The following NDEL1 variants were observed in gnomAD, a reference collection of about 807,000 sequenced individuals.
NDEL1 encodes the protein nuclear distribution protein nudE-like 1.
Under a neutral mutation model 45.7 loss-of-function variants are expected in NDEL1, and 9 were observed. The ratio of observed to expected loss-of-function variants is 0.20; its 90% CI spans 0.12 to 0.34. The LOEUF (loss-of-function observed/expected upper bound fraction) is 0.34. Among genes scored for constraint, NDEL1 ranks in the 10% least tolerant of loss-of-function variants. NDEL1 has a pLI of 1.00. For synonymous variants in NDEL1, 133 were observed against 158.6 expected (o/e 0.84, Z 1.21); for missense variants, 306 against 406.2 (o/e 0.75, Z 2.12).
intron 1 of NDEL1, among the ~76,000 whole-genome samples, chr17:8,418,855 T>C (rs1597511024): frequency 1.3e-5 from 2 of 150,290 alleles, no homozygotes; most frequent in African/African-American, 4.9e-5. Context: ...CTCTCTCTTC[T>C]TTTTTATTTT....
rs111828913 is a variant in NDEL1 at position 8,450,941 on chromosome 17, C to G, written c.688C>G (p.Pro230Ala). The change falls in exon 6 of 9, where the codon CCT (proline) becomes GCT (alanine). Residue 230 changes from proline to alanine, a missense_variant. Around this residue, in one of 3 missense-constraint regions of NDEL1, gnomAD observed 175 missense variants for 205.2 expected, o/e 0.85. Coordinates refer to ENST00000334527, the MANE Select transcript of NDEL1 (RefSeq NM_030808.5). ...PVGKGTENTF[P>A]SPKAIPNGFG... ...TGGCAAAGGAACGGAGAACACTTTT[C>G]CTTCACCGAAAGGTTTGTAATGTCT... is the stretch of plus-strand genomic sequence containing the variant. The G allele has an allele frequency of 2.0e-4, 328 of 1,609,486 alleles. No individual in the cohort carries two copies. In the African/African-American group the frequency reaches 3.3e-3, roughly 16 times the overall value.
chr17:8,461,597 A>G (rs905520719), intron 8 of NDEL1, among the ~76,000 whole-genome samples: 5 of 152,160 alleles, frequency 3.3e-5, no homozygotes, highest in African/African-American at 1.2e-4. Context: ...TAAACATAAA[A>G]TTGATTTTCC....
At chr17:8,469,445 C>T (rs572430836), downstream of NDEL1, among the ~76,000 whole-genome samples, 1 of 152,238 alleles carries the variant, frequency 6.6e-6, no homozygotes, top group South Asian at 2.1e-4. Flanking sequence ...TCCTCTTATC[C>T]AGACTGTTCT....
In NDEL1 at chr17:8,468,121, A is replaced by C. The variant is rs561795311; in HGVS notation, c.*1098A>C. ...TACAAAAAATACTTCCCTCAAAAAAATTCTTTTAATGTGGAAACAATAAAT... is the reference window on the plus strand; with the variant it reads ...TACAAAAAATACTTCCCTCAAAAAACTTCTTTTAATGTGGAAACAATAAAT... On this transcript the variant is annotated 3_prime_UTR_variant, in exon 9 of 9. Transcript: ENST00000334527. 9 of 152,650 alleles carry C rather than the reference A, an allele frequency of 5.9e-5. No individual in the cohort carries two copies. In the South Asian group the frequency reaches 1.9e-3, roughly 32 times the overall value. 9.5% of individuals were successfully genotyped at this position (152,650 alleles called of 1,614,324 possible).
intron 8 of NDEL1, chr17:8,464,344 G>T (rs1315037346): frequency 6.6e-6 from 1 of 152,208 alleles, no homozygotes; most frequent in Non-Finnish European, 1.5e-5. Context: ...ACATTGCCCT[G>T]TGGCTCTTTG....
upstream of NDEL1, chr17:8,431,508 A>G (rs954682909): frequency 6.6e-6 from 1 of 152,260 alleles, no homozygotes; most frequent in Admixed American, 6.5e-5. Context: ...CTCTAGCCCA[A>G]TACATGGTAG....
At chr17:8,439,731 C>T (rs548986312) in intron 1 of NDEL1, among the ~76,000 whole-genome samples, 1 of 152,314 alleles carries the variant, frequency 6.6e-6, no homozygotes, top group African/African-American at 2.4e-5. Context: ...ACTTTGTGGT[C>T]ATACTTGAAA....
chr17:8,463,335 A>G (rs776605675), intron 8 of NDEL1: 1 of 1,613,014 alleles, frequency 6.2e-7, no homozygotes, highest in South Asian at 1.1e-5. Context: ...AAAAAGTCAT[A>G]TTTCCCACGT....
intron 8 of NDEL1, among the ~76,000 whole-genome samples, chr17:8,462,614 G>A (rs12942681): frequency 0.95 from 144,477 of 152,226 alleles, 69,016 homozygotes; most frequent in East Asian, 1. Context: ...GCCTGTCTGT[G>A]TAGAAGTGGA....
rs386364879 is a variant in NDEL1, at chr17:8,446,673, C to CG, written c.241-81_241-80insG. ...TGGGTAAATTCCTTGGGTTCCCCCC[C>CG]ACCCTTTTAACTTGAGTTACCTCTT... On this transcript the variant is annotated intron_variant, in intron 3 of 8. Transcript: ENST00000334527. 3.0e-4 allele frequency: 447 copies of CG among 1,478,326 alleles called. 2 individuals carry two copies. The African/African-American group carries it at 5.4e-3, about 18-fold the overall frequency. 91.6% of individuals were successfully genotyped at this position (1,478,326 alleles called of 1,614,324 possible).
chr17:8,470,092 C>T (rs965841292), downstream of NDEL1, among the ~76,000 whole-genome samples: 2 of 152,124 alleles, frequency 1.3e-5, no homozygotes, highest in African/African-American at 2.4e-5. This position sits in a 1 kb window ranked among gnomAD's most constrained non-coding sequence, Gnocchi z 4.2. Context: ...GCTCATCTCC[C>T]GCTTTCTGTT....
chr17:8,440,700 A>T (rs1909676049), intron 1 of NDEL1, among the ~76,000 whole-genome samples: 1 of 152,200 alleles, frequency 6.6e-6, no homozygotes, highest in Admixed American at 6.5e-5. Flanking sequence ...TTGGTGTTGT[A>T]TTAAGAATAT....
intron 6 of NDEL1, among the ~76,000 whole-genome samples, chr17:8,451,736 C>T (rs1910516006): frequency 6.6e-6 from 1 of 152,052 alleles, no homozygotes; most frequent in Non-Finnish European, 1.5e-5. Flanking sequence ...TTAGATTTTG[C>T]AGCTCGTAGT....
intron 8 of NDEL1, chr17:8,463,284 T>C (rs998775479): frequency 8.3e-6 from 13 of 1,558,324 alleles, no homozygotes; most frequent in Non-Finnish European, 1.2e-5. Flanking sequence ...ATAGTATTCG[T>C]ATTACTGTTT....
intron 1 of NDEL1, among the ~76,000 whole-genome samples, chr17:8,439,379 TACAG>T (rs1222853421): frequency 5.3e-5 from 8 of 151,294 alleles, no homozygotes; most frequent in African/African-American, 1.9e-4. Flanking sequence ...TAGCTGGGAT[TACAG>T]GTGCCGGCCA....
chr17:8,450,753 C>A (rs1265529277), intron 5 of NDEL1, 27 bp from the exon 6 acceptor site: 6 of 1,593,546 alleles, frequency 3.8e-6, no homozygotes, highest in Admixed American at 1.8e-5. Flanking sequence ...AGTGAGTATT[C>A]CTGCCCTTGT....
downstream of NDEL1, among the ~76,000 whole-genome samples, chr17:8,469,678 T>TG (rs1911786600): frequency 2.7e-5 from 4 of 148,854 alleles, no homozygotes; most frequent in Admixed American, 2.7e-4. Context: ...AATTTAGCAG[T>TG]GGGGGGTTAT....
At chr17:8,463,244 C>A in intron 8 of NDEL1, 1 of 1,184,408 alleles carries the variant, frequency 8.4e-7, no homozygotes, top group South Asian at 1.3e-5. Flanking sequence ...TGTAGGTGGG[C>A]ATGGACTAAT....
intron 6 of NDEL1, among the ~76,000 whole-genome samples, chr17:8,452,403 G>A (rs1332494127): frequency 1.3e-5 from 2 of 152,140 alleles, no homozygotes; most frequent in African/African-American, 2.4e-5. Flanking sequence ...AAAGGACATG[G>A]AGCCTGCTGT....
Sources: allele counts gnomAD v4.1 joint callset (sites outside exome capture counted in the v4.1 genomes callset), GRCh38; gene constraint gnomAD v4.1.1; regional missense constraint gnomAD v4.1.1; non-coding constraint Gnocchi (gnomAD v3.1); transcripts MANE v1.5; gene names NCBI Gene and HGNC (gene_info 2026-07-23, HGNC 2026-07-21).